Variants in ACOXL observed in about 807,000 individuals in gnomAD.
ACOXL encodes the protein acyl-coenzyme A oxidase-like protein.
ACOXL carries 70 observed loss-of-function variants against 71.9 expected under a neutral mutation model. That is an observed-to-expected ratio of 0.97 (90% confidence interval 0.80 to 1.19). The LOEUF (loss-of-function observed/expected upper bound fraction) is 1.19. Among genes scored for constraint, ACOXL ranks in the 50% most tolerant of loss-of-function variants. The pLI, the probability that ACOXL is intolerant of heterozygous loss-of-function variation, is 0.00. For synonymous variants in ACOXL, 253 were observed against 281.6 expected, an observed-to-expected ratio of 0.90 and a Z score of 1.02; for missense variants, 703 against 736.3, an observed-to-expected ratio of 0.95 and a Z score of 0.52.
At chr2:110,814,329 AGAG>A (rs1484452448) in intron 9 of ACOXL, among the ~76,000 whole-genome samples, 1 of 152,158 alleles carries the variant, frequency 6.6e-6, no homozygotes, top group Admixed American at 6.5e-5. Context: ...ATCAGGAGTA[AGAG>A]GGGAAATGAG....
At chr2:110,746,749 G>A (rs924837835) in intron 1 of ACOXL, among the ~76,000 whole-genome samples, 3 of 152,118 alleles carry the variant, frequency 2.0e-5, no homozygotes, top group African/African-American at 7.2e-5. Flanking sequence ...CGAAGAAACA[G>A]GATATACTAG....
At chr2:110,782,342 GAAATA>G (rs1683445462) in intron 2 of ACOXL, among the ~76,000 whole-genome samples, 1 of 152,120 alleles carries the variant, frequency 6.6e-6, no homozygotes, top group Admixed American at 6.6e-5. Context: ...CAATTAATCA[GAAATA>G]AAATAAGAAT....
At chr2:111,016,945 G>T (rs1398992406) in intron 14 of ACOXL, among the ~76,000 whole-genome samples, 1 of 152,124 alleles carries the variant, frequency 6.6e-6, no homozygotes, top group African/African-American at 2.4e-5. Flanking sequence ...GGGCAAATCA[G>T]CCAGCAAGAT....
intron 3 of ACOXL, among the ~76,000 whole-genome samples, chr2:110,787,182 A>T (rs1684067106): frequency 6.6e-6 from 1 of 152,106 alleles, no homozygotes; most frequent in Non-Finnish European, 1.5e-5. Flanking sequence ...TTTTTTTCTG[A>T]AAACTCCTGA....
chr2:110,846,789 G>T (rs984705033), intron 10 of ACOXL, among the ~76,000 whole-genome samples: 27 of 151,742 alleles, frequency 1.8e-4, no homozygotes, highest in Admixed American at 1.2e-3. Context: ...GTGTGTGTTG[G>T]GGGGGGTGTA....
At chr2:111,056,491 AATAT>A in intron 16 of ACOXL, among the ~76,000 whole-genome samples, 1 of 152,042 alleles carries the variant, frequency 6.6e-6, no homozygotes, top group South Asian at 2.1e-4. Flanking sequence ...AACTCAAAAA[AATAT>A]ATATATATTT....
At chr2:110,738,281 C>A (rs1240762858) in intron 1 of ACOXL, among the ~76,000 whole-genome samples, 2 of 152,192 alleles carry the variant, frequency 1.3e-5, no homozygotes, top group Non-Finnish European at 2.9e-5. Context: ...TGTCCACATT[C>A]CATGGAATAA....
chr2:110,765,262 C>T (rs747524409), intron 1 of ACOXL, among the ~76,000 whole-genome samples: 12 of 152,152 alleles, frequency 7.9e-5, no homozygotes, highest in Non-Finnish European at 1.6e-4. Flanking sequence ...TTGACATGGG[C>T]TTCTTTGGGT....
In ACOXL at chr2:110,998,076, A is replaced by AT. The variant is rs759631566; in HGVS notation, c.1281+2082dup. 2.9e-4 allele frequency among the ~76,000 whole-genome samples: 44 copies of AT among 149,944 alleles called. No homozygotes were observed. The East Asian group carries it at 3.9e-3, about 13-fold the overall frequency. ...AAAAAATAATACGGAAGCTAAAAAT[A>AT]TTTTTTTTTTGGAAAAAAACATGAT... On this transcript the variant is annotated intron_variant, in intron 14 of 17. Transcript: ENST00000439055.
At chr2:110,897,630 G>C (rs1015298771) in intron 10 of ACOXL, among the ~76,000 whole-genome samples, 1 of 152,042 alleles carries the variant, frequency 6.6e-6, no homozygotes, top group Non-Finnish European at 1.5e-5. Flanking sequence ...GTTGCATTGG[G>C]GATTACATTT....
chr2:110,960,768 G>A (rs576761813), intron 12 of ACOXL, among the ~76,000 whole-genome samples: 1 of 150,552 alleles, frequency 6.6e-6, no homozygotes, highest in African/African-American at 2.4e-5. Context: ...TTCATTTTTA[G>A]TTAAAAAATG....
intron 14 of ACOXL, among the ~76,000 whole-genome samples, chr2:111,028,553 A>C (rs1331751448): frequency 6.6e-6 from 1 of 151,804 alleles, no homozygotes; most frequent in Non-Finnish European, 1.5e-5. Flanking sequence ...CTGATAACAG[A>C]ATCCTCATCT....
At chr2:110,831,729 A>G (rs1300226676) in intron 9 of ACOXL, among the ~76,000 whole-genome samples, 3 of 152,228 alleles carry the variant, frequency 2.0e-5, no homozygotes, top group African/African-American at 7.2e-5. Flanking sequence ...AGGAAGATCT[A>G]CAAGTAGATC....
chr2:110,854,590 C>T (rs1435957959), intron 10 of ACOXL, among the ~76,000 whole-genome samples: 1 of 152,148 alleles, frequency 6.6e-6, no homozygotes, highest in Non-Finnish European at 1.5e-5. Context: ...AAGGGCAGGC[C>T]ATGCTCATGG....
intron 11 of ACOXL, among the ~76,000 whole-genome samples, chr2:110,926,256 A>G (rs1169276197): frequency 6.6e-6 from 1 of 152,248 alleles, no homozygotes; most frequent in Non-Finnish European, 1.5e-5. Flanking sequence ...AAGGGCTCTG[A>G]TAGAATTGCT....
intron 10 of ACOXL, among the ~76,000 whole-genome samples, chr2:110,891,903 G>C (rs323643): frequency 0.98 from 148,874 of 152,042 alleles, 72,967 homozygotes; most frequent in Middle Eastern, 1. Context: ...CTTGCCTCCC[G>C]AAGCCTTTTT....
chr2:110,905,711 G>A (rs745433147), intron 10 of ACOXL, among the ~76,000 whole-genome samples: 1 of 152,194 alleles, frequency 6.6e-6, no homozygotes, highest in South Asian at 2.1e-4. Flanking sequence ...GCCGTTTCCT[G>A]CCTGGAGGGT....
At chr2:110,849,183 C>A (rs539213032) in intron 10 of ACOXL, among the ~76,000 whole-genome samples, 4 of 152,220 alleles carry the variant, frequency 2.6e-5, no homozygotes, top group Non-Finnish European at 5.9e-5. Flanking sequence ...CCTCAGGCAA[C>A]AGGTGGGAAA....
chr2:110,772,298 ACTC>A (rs1320409714), intron 2 of ACOXL, among the ~76,000 whole-genome samples: 1 of 151,698 alleles, frequency 6.6e-6, no homozygotes, highest in African/African-American at 2.4e-5. Context: ...AACTTTCAAA[ACTC>A]CTGCTGTGAA....
Sources: allele counts gnomAD v4.1 joint callset (sites outside exome capture counted in the v4.1 genomes callset), GRCh38; gene constraint gnomAD v4.1.1; transcripts MANE v1.5; gene names NCBI Gene and HGNC (gene_info 2026-07-23, HGNC 2026-07-21).